The following DOCK10 variants were observed in gnomAD, a reference collection of about 807,000 sequenced individuals.
DOCK10 encodes the protein dedicator of cytokinesis 10, also known as dedicator of cytokinesis protein 10.
Under a neutral mutation model 280.1 loss-of-function variants are expected in DOCK10, and 145 were observed. The ratio of observed to expected loss-of-function variants is 0.52; its 90% confidence interval spans 0.45 to 0.59. The LOEUF (loss-of-function observed/expected upper bound fraction) is 0.59. DOCK10 is among the 20% of genes least tolerant of loss of function. DOCK10 has a pLI of 0.00. For synonymous variants in DOCK10, 915 were observed against 942.2 expected, an observed-to-expected ratio of 0.97 and a Z score of 0.53; for missense variants, 2,368 against 2,651.7, an observed-to-expected ratio of 0.89 and a Z score of 2.35.
chr2:224,876,292 G>A lies in DOCK10; in HGVS notation c.748-71C>T, dbSNP rs1182544419. ...AGCCTTCGAGAGAGAGATCATTTAT[G>A]TGGGCTTGAGGTTCCAAAAGTCTTT... On this transcript the variant is annotated intron_variant, in intron 7 of 55. Transcript: ENST00000258390. The A allele has an allele frequency of 1.0e-5, 14 of 1,343,220 alleles. No homozygotes were observed. In the East Asian group the frequency reaches 3.3e-4, roughly 31 times the overall value. The allele number at this position is 1,343,220 out of a possible 1,614,324, so 83.2% of individuals were successfully genotyped here.
intron 28 of DOCK10, 114 bp from the exon 29 acceptor site, chr2:224,819,643 A>G (rs1200342980): frequency 1.5e-5 from 9 of 617,258 alleles, no homozygotes; most frequent in South Asian, 3.1e-5. Context: ...AATGTGTTGT[A>G]TAATTAGGTA....
chr2:224,919,355 ATG>A (rs908980463), intron 2 of DOCK10, among the ~76,000 whole-genome samples: 58 of 136,340 alleles, frequency 4.3e-4, no homozygotes, highest in Non-Finnish European at 6.6e-4. Flanking sequence ...AGTATGTGTG[ATG>A]TGTGTCTGTA....
At position 224,765,953 on chromosome 2, in the gene DOCK10, A is replaced by G. The variant is rs374130434; in HGVS notation, c.6445-116T>C. On this transcript the variant is annotated intron_variant, in intron 55 of 55. Coordinates refer to ENST00000258390, the MANE Select transcript of DOCK10 (RefSeq NM_014689.3). ...ATTCCCCACAGGGTAATTTATTCAAATTATAAAAAGACACATATTAAAGTG... is the reference window on the plus strand; with the variant it reads ...ATTCCCCACAGGGTAATTTATTCAAGTTATAAAAAGACACATATTAAAGTG... The G allele has an allele frequency of 5.4e-5, 38 of 698,490 alleles. No homozygotes were observed. In the East Asian group the frequency reaches 8.2e-4, roughly 15 times the overall value. 43.3% of individuals were successfully genotyped at this position (698,490 alleles called of 1,614,324 possible). A position where few individuals can be genotyped will look rare whatever the true frequency, so the allele number is the denominator to read the frequency against.
At chr2:224,834,113 A>G in intron 26 of DOCK10, 37 bp downstream of exon 26, 1 of 1,215,388 alleles carries the variant, frequency 8.2e-7, no homozygotes. Flanking sequence ...ACCCATGCCT[A>G]GTACTCACAG....
chr2:224,874,153 T>TA lies in DOCK10; in HGVS notation c.1102-3dup, dbSNP rs1175719405. On this transcript the variant is annotated splice_polypyrimidine_tract_variant and splice_region_variant and intron_variant, in intron 10 of 55. Coordinates refer to ENST00000258390, the MANE Select transcript of DOCK10 (RefSeq NM_014689.3). ...ATCTTTTTTTTGAAGTTTCAAGGTC[T>TA]AAAAAAGTTTTGAATGAGTCACCAA... 1.3e-6 allele frequency: 2 copies of TA among 1,584,162 alleles called. No homozygotes were observed. The highest frequency in any genetic ancestry group is 2.7e-5 in the African/African-American group (2 of 73,824).
intron 9 of DOCK10, 105 bp from the exon 10 acceptor site, chr2:224,874,454 G>A (rs1698500808): frequency 2.1e-6 from 2 of 970,740 alleles, no homozygotes; most frequent in Non-Finnish European, 3.1e-6. Flanking sequence ...CACCATTTTA[G>A]TATTACCCAT....
intron 3 of DOCK10, among the ~76,000 whole-genome samples, chr2:224,901,779 C>T (rs1186672041): frequency 1.3e-5 from 2 of 152,168 alleles, no homozygotes; most frequent in African/African-American, 4.8e-5. Context: ...TCCATGATTC[C>T]ACATGAGTGA....
Position 224,796,366 on chromosome 2 carries a change from G to T in DOCK10, c.4888C>A (p.His1630Asn). ...AAATTATTGGTAATTGCAAGCGAAT[G>T]TTGAAACCGAGAGCCTCCAATCCCA... ...DAGIGGSRFQHSLAITNNFAN... is the reference protein window; with the variant it reads ...DAGIGGSRFQNSLAITNNFAN... Residue 1630 changes from histidine to asparagine, a missense_variant, in exon 44 of 56, where the codon CAT becomes AAT. By Grantham distance (68) the His-to-Asn change is moderately conservative. Around this residue, in one of 2 missense-constraint regions of DOCK10, gnomAD observed 1,159 missense variants for 1,400.8 expected, o/e 0.83. Coordinates refer to ENST00000258390, the MANE Select transcript of DOCK10 (RefSeq NM_014689.3). 6.4e-7 allele frequency: 1 copy of T among 1,574,718 alleles called. No individual in the cohort carries two copies. The highest frequency in any genetic ancestry group is 1.8e-5 in the Admixed American group (1 of 54,366).
rs72972631 is a variant in DOCK10, at chr2:224,875,834, G to A, written c.931+204C>T. Among the ~76,000 whole-genome samples the A allele has an allele frequency of 0.032, 4,942 of 152,290 alleles. 121 individuals carry two copies. Among genetic ancestry groups the A allele is most frequent in the South Asian group, 0.061 (292 of 4,820 alleles). ...TGCTGGGGGAAAGCCTCAGATCGTT[G>A]CCAGTTGACTCTGAATTGTACTTAT... On this transcript the variant is annotated intron_variant, in intron 8 of 55. Coordinates refer to ENST00000258390, the MANE Select transcript of DOCK10 (RefSeq NM_014689.3).
rs559683067 is a variant in DOCK10, at chr2:225,000,652, A to G, written c.123+41600T>C. 5.3e-5 allele frequency among the ~76,000 whole-genome samples: 8 copies of G among 152,320 alleles called. No individual in the cohort carries two copies. The South Asian group carries it at 1.5e-3, about 28-fold the overall frequency. ...AGCCATGCTTCTGTGTCTTTCCCTC[A>G]GAGAAAGGTTGCCCGAAACAGGTCA... On this transcript the variant is annotated intron_variant, in intron 1 of 55. Transcript: ENST00000258390.
Position 224,924,816 on chromosome 2 carries a change from A to C in DOCK10, c.243+6733T>G, listed in dbSNP as rs565098096. ...AATGGCATCACTCACTGTGGGATTC[A>C]GGAAGTTAATATTTCCCCCAACTTG... On this transcript the variant is annotated intron_variant, in intron 2 of 55. Coordinates refer to ENST00000258390, the MANE Select transcript of DOCK10 (RefSeq NM_014689.3). Among the ~76,000 whole-genome samples, 3 of 152,334 alleles carry C rather than the reference A, an allele frequency of 2.0e-5. No individual in the cohort carries two copies. The East Asian group carries it at 5.8e-4, about 29-fold the overall frequency.
At chr2:224,959,515 A>G (rs966196158) in intron 1 of DOCK10, among the ~76,000 whole-genome samples, 2 of 148,166 alleles carry the variant, frequency 1.3e-5, no homozygotes, top group African/African-American at 2.5e-5. Context: ...CTTTCTCCAC[A>G]TTTAGTCCAG....
In DOCK10 at chr2:224,840,209, T is replaced by C. The variant is rs1403907685; in HGVS notation, c.2662-137A>G. 7.6e-6 allele frequency: 4 copies of C among 527,282 alleles called. No individual in the cohort carries two copies. The Admixed American group carries it at 1.3e-4, about 17-fold the overall frequency. 32.7% of individuals were successfully genotyped at this position (527,282 alleles called of 1,614,324 possible). A position where few individuals can be genotyped will look rare whatever the true frequency, so the allele number is the denominator to read the frequency against. ...TGACATTAGACTGGGCAATGATTTT[T>C]TGGATATGACCCTCAAAGCTCAGGC... On this transcript the variant is annotated intron_variant, in intron 23 of 55. Coordinates refer to ENST00000258390, the MANE Select transcript of DOCK10 (RefSeq NM_014689.3).
intron 38 of DOCK10, 24 bp from the exon 39 acceptor site, chr2:224,804,237 A>C (rs377311604): frequency 2.6e-5 from 37 of 1,415,452 alleles, no homozygotes; most frequent in Non-Finnish European, 3.2e-5. Flanking sequence ...GGAAGTTTTA[A>C]TCATAGCTCA....
At chr2:224,809,121 C>G (rs1278984805) in intron 31 of DOCK10, among the ~76,000 whole-genome samples, 1 of 151,956 alleles carries the variant, frequency 6.6e-6, no homozygotes, top group African/African-American at 2.4e-5. Flanking sequence ...AGAAAAGGCC[C>G]TGCCAAATTT....
intron 38 of DOCK10, 42 bp from the exon 39 acceptor site, chr2:224,804,255 T>C: frequency 1.7e-6 from 2 of 1,184,860 alleles, no homozygotes; most frequent in Non-Finnish European, 2.5e-6. Flanking sequence ...TCAGTGTTTG[T>C]AATTTACATA....
In DOCK10 at chr2:224,901,862, T is replaced by C. The variant is rs115734486; in HGVS notation, c.334-5485A>G. On this transcript the variant is annotated intron_variant, in intron 3 of 55. Coordinates refer to ENST00000258390, the MANE Select transcript of DOCK10 (RefSeq NM_014689.3). ...CCTAGTTTCACACAGTGGATTCTAG[T>C]AGCTGGAATTATCTTCTTGTTTTCA... Among the ~76,000 whole-genome samples, 1,467 of 152,346 alleles carry C rather than the reference T, an allele frequency of 9.6e-3. 15 individuals carry two copies. The highest frequency in any genetic ancestry group is 0.033 in the African/African-American group (1,379 of 41,578).
chr2:224,930,304 T>A (rs1343272756), intron 2 of DOCK10, among the ~76,000 whole-genome samples: 1 of 152,040 alleles, frequency 6.6e-6, no homozygotes, highest in South Asian at 2.1e-4. Flanking sequence ...ATGTGGAATT[T>A]AAAAAAATGC....
chr2:224,940,496 T>C (rs977046405), intron 1 of DOCK10, among the ~76,000 whole-genome samples: 67 of 152,342 alleles, frequency 4.4e-4, no homozygotes, highest in African/African-American at 1.6e-3. Flanking sequence ...CTTTGAGGTG[T>C]GGGAATTTAG....
Sources: gnomAD v4.1 joint callset for allele counts (sites outside exome capture counted in the v4.1 genomes callset) on GRCh38, gnomAD v4.1.1 for gene constraint, gnomAD v4.1.1 regional missense constraint, MANE v1.5 for transcripts, NCBI Gene and HGNC (gene_info 2026-07-23, HGNC 2026-07-21) for gene names.